Variants in ZNF541 observed in about 807,000 individuals in gnomAD.
ZNF541 encodes the protein zinc finger protein 541.
In ZNF541, 23 loss-of-function variants were observed where a neutral mutation model predicts 123.5. That is an observed-to-expected ratio of 0.19 (90% CI 0.13 to 0.26). The LOEUF (loss-of-function observed/expected upper bound fraction) is 0.26, where lower values mean the gene tolerates loss of function less well. Ranked by LOEUF, ZNF541 falls within the 10% of genes least tolerant of loss-of-function variation. The pLI is 1.00. For missense variants in ZNF541, 1,612 were observed against 1,789.9 expected (o/e 0.90, Z 1.79); for synonymous variants, 751 against 754.5 (o/e 1.00, Z 0.08).
intron 14 of ZNF541, among the ~76,000 whole-genome samples, chr19:47,526,481 C>CAAAAA (rs71180847): frequency 1.6e-3 from 55 of 34,560 alleles, no homozygotes; most frequent in East Asian, 3.1e-3. Flanking sequence ...GACTCCATCT[C>CAAAAA]AAAAAAAAAA....
chr19:47,560,661 A>AAT (rs1367835652), intron 2 of ZNF541, among the ~76,000 whole-genome samples: 1 of 151,842 alleles, frequency 6.6e-6, no homozygotes, highest in Non-Finnish European at 1.5e-5. Flanking sequence ...TGATGATTGT[A>AAT]ATATATATAT....
At chr19:47,539,156 C>G (rs552809787) in intron 8 of ZNF541, among the ~76,000 whole-genome samples, 1 of 152,272 alleles carries the variant, frequency 6.6e-6, no homozygotes, top group Admixed American at 6.5e-5. Flanking sequence ...GGACTAGGAG[C>G]CCTGGGAGGC....
intron 9 of ZNF541, among the ~76,000 whole-genome samples, chr19:47,534,342 A>G (rs1969717294): frequency 6.6e-6 from 1 of 152,076 alleles, no homozygotes; most frequent in South Asian, 2.1e-4. Flanking sequence ...AAGGAGAAAG[A>G]GACAGAAAGA....
At chr19:47,557,936 AAAAT>A (rs1970890795) in intron 2 of ZNF541, among the ~76,000 whole-genome samples, 1 of 152,118 alleles carries the variant, frequency 6.6e-6, no homozygotes, top group Non-Finnish European at 1.5e-5. Context: ...CAAGAGAAGA[AAAAT>A]AAACCACATA....
Position 47,545,483 on chromosome 19 carries a change from A to G in ZNF541, c.1046T>C (p.Val349Ala), listed in dbSNP as rs1470615667. The G allele has an allele frequency of 1.3e-6, 2 of 1,489,036 alleles. No homozygotes were observed. Among genetic ancestry groups the G allele is most frequent in the Non-Finnish European group, 1.8e-6 (2 of 1,116,424 alleles). The allele number at this position is 1,489,036 out of a possible 1,614,324, so 92.2% of individuals were successfully genotyped here. A position where few individuals can be genotyped will look rare whatever the true frequency, so the allele number is the denominator to read the frequency against. The change falls in exon 5 of 17, where the codon GTG becomes GCG. Residue 349 changes from valine to alanine, a missense_variant. Around this residue, in one of 5 missense-constraint regions of ZNF541, gnomAD observed 1,080 missense variants for 1,013.8 expected, o/e 1.07. Coordinates refer to ENST00000391901, the MANE Select transcript of ZNF541 (RefSeq NM_001277075.3). The surrounding 1 kb of genome is among the most constrained non-coding windows in gnomAD (Gnocchi z 7.5). ...GGCCCTGGAATTAGGGGCTGTGAAC[A>G]CGTCAGTGGCCGGCTCTTTCTGTGG... ...CLPQKEPATD[V>A]FTAPNSRAAE... is the part of the protein sequence containing the mutation.
At chr19:47,538,944 C>A (rs1367109962) in intron 8 of ZNF541, among the ~76,000 whole-genome samples, 7 of 152,172 alleles carry the variant, frequency 4.6e-5, no homozygotes, top group African/African-American at 7.2e-5. Context: ...CTCTCACTTC[C>A]ACAAAATCTC....
intron 14 of ZNF541, among the ~76,000 whole-genome samples, chr19:47,526,269 G>A (rs557448760): frequency 6.6e-6 from 1 of 152,162 alleles, no homozygotes; most frequent in Non-Finnish European, 1.5e-5. Flanking sequence ...ATCACCTGAG[G>A]TTGGGAGTTC....
At chr19:47,525,286 C>CA (rs981673143) in intron 14 of ZNF541, among the ~76,000 whole-genome samples, 215 of 124,836 alleles carry the variant, frequency 1.7e-3, no homozygotes, top group Admixed American at 2.3e-3. Context: ...ACTCTGTCTC[C>CA]AAAAAAAAAA....
chr19:47,562,478 A>C (rs1031434480), intron 2 of ZNF541, among the ~76,000 whole-genome samples: 22 of 152,022 alleles, frequency 1.4e-4, no homozygotes, highest in African/African-American at 5.3e-4. Context: ...CGGGAGATGG[A>C]GTCTGCAGTG....
chr19:47,544,077 A>G, intron 5 of ZNF541, 49 bp downstream of exon 5: 1 of 1,472,854 alleles, frequency 6.8e-7, no homozygotes, highest in Non-Finnish European at 9.0e-7. Flanking sequence ...AACAAATGCA[A>G]AGGAAACTCA....
At chr19:47,522,683 C>A (rs1434499192) in intron 14 of ZNF541, among the ~76,000 whole-genome samples, 1 of 150,864 alleles carries the variant, frequency 6.6e-6, no homozygotes, top group Non-Finnish European at 1.5e-5. Flanking sequence ...GTGGTCCCAG[C>A]TACTTAAGAT....
chr19:47,564,702 T>C (rs1422038137), intron 2 of ZNF541, among the ~76,000 whole-genome samples: 6 of 152,210 alleles, frequency 3.9e-5, no homozygotes, highest in Non-Finnish European at 8.8e-5. Flanking sequence ...CTTTCTACAC[T>C]GCTGGTGGGA....
intron 12 of ZNF541, among the ~76,000 whole-genome samples, chr19:47,530,804 C>A (rs1237454246): frequency 6.6e-6 from 1 of 152,048 alleles, no homozygotes; most frequent in East Asian, 2.0e-4. Context: ...GCGCCCACCA[C>A]CATGCCTGGC....
rs557553844 is a variant in ZNF541, at chr19:47,526,342, C to T, written c.3570+2608G>A. ...ACTAAAAATACAAAAATTAGCCAGG[C>T]GTGGTAGCAGGCGCCTGTAATCCCA... On this transcript the variant is annotated intron_variant, in intron 14 of 16. Transcript: ENST00000391901. Among the ~76,000 whole-genome samples the T allele has an allele frequency of 3.2e-3, 480 of 151,952 alleles. 1 individual carries two copies. The highest frequency in any genetic ancestry group is 0.011 in the African/African-American group (450 of 41,442).
At chr19:47,554,524 G>A (rs1037467157) in intron 3 of ZNF541, among the ~76,000 whole-genome samples, 1 of 152,148 alleles carries the variant, frequency 6.6e-6, no homozygotes, top group Admixed American at 6.5e-5. Flanking sequence ...TCCTTCTTTT[G>A]TTTTACTCTG....
In ZNF541 at chr19:47,538,211, C is replaced by T. The variant is rs1259125459; in HGVS notation, c.3025G>A (p.Val1009Met). 2 of 1,551,546 alleles carry T rather than the reference C, an allele frequency of 1.3e-6. No homozygotes were observed. The highest frequency in any genetic ancestry group is 2.0e-5 in the Admixed American group (1 of 50,986). The part of the protein sequence containing the change: ...MLSPIREGSG[V>M]YFNTLCSTST... Reference sequence around the variant, plus strand: ...GTGGAACAGAGGGTGTTGAAGTACACCCCAGAGCCCTCCCGGATGGGGCTG... The same window carrying T: ...GTGGAACAGAGGGTGTTGAAGTACATCCCAGAGCCCTCCCGGATGGGGCTG... The change falls in exon 9 of 17, where the codon GTG (valine) becomes ATG (methionine). Residue 1009 changes from valine to methionine, a missense_variant. Val to Met is a conservative substitution (Grantham distance 21). Around this residue, in one of 5 missense-constraint regions of ZNF541, gnomAD observed 285 missense variants for 407.3 expected, o/e 0.70. Transcript: ENST00000391901.
chr19:47,564,859 G>C (rs939719670), intron 2 of ZNF541, among the ~76,000 whole-genome samples: 2 of 152,164 alleles, frequency 1.3e-5, no homozygotes, highest in Non-Finnish European at 2.9e-5. Flanking sequence ...ACTTGCACAT[G>C]CATGTTTAGA....
intron 2 of ZNF541, among the ~76,000 whole-genome samples, chr19:47,565,975 G>A (rs917664345): frequency 6.6e-6 from 1 of 151,994 alleles, no homozygotes; most frequent in East Asian, 1.9e-4. Context: ...TCAGGAGTTC[G>A]AGACCAGACT....
chr19:47,558,617 G>A (rs1481993992), intron 2 of ZNF541, among the ~76,000 whole-genome samples: 2 of 148,926 alleles, frequency 1.3e-5, no homozygotes, highest in Non-Finnish European at 3.0e-5. Context: ...TTTTTGAGAT[G>A]GAGTTTCGCT....
Sources: allele counts gnomAD v4.1 joint callset (sites outside exome capture counted in the v4.1 genomes callset), GRCh38; gene constraint gnomAD v4.1.1; regional missense constraint gnomAD v4.1.1; non-coding constraint Gnocchi (gnomAD v3.1); transcripts MANE v1.5; gene names NCBI Gene and HGNC (gene_info 2026-07-23, HGNC 2026-07-21).